Variants in CEP112 observed in about 807,000 individuals in gnomAD.
The protein encoded by CEP112 is centrosomal protein 112.
Under a neutral mutation model 153.0 loss-of-function variants are expected in CEP112, and 127 were observed. The ratio of observed to expected loss-of-function variants is 0.83; its 90% confidence interval spans 0.72 to 0.96. The LOEUF (loss-of-function observed/expected upper bound fraction) is 0.96, where lower values mean the gene tolerates loss of function less well. CEP112 is among the 40% of genes least tolerant of loss of function. The probability of loss-of-function intolerance (pLI) is 0.00; values close to 1 mark genes in which losing one functional copy is unlikely to be tolerated. For synonymous variants in CEP112, 358 were observed against 374.4 expected, an observed-to-expected ratio of 0.96 and a Z score of 0.51; for missense variants, 1,089 against 1,101.2, an observed-to-expected ratio of 0.99 and a Z score of 0.16.
At chr17:65,866,691 C>T (rs1230125968) in intron 20 of CEP112, among the ~76,000 whole-genome samples, 2 of 152,124 alleles carry the variant, frequency 1.3e-5, no homozygotes, top group African/African-American at 4.8e-5. Context: ...AGAGGAGCTA[C>T]CCACCTCAGG....
Position 65,639,775 on chromosome 17 carries a change from T to A in CEP112, c.2799+1189A>T, listed in dbSNP as rs192810830. On this transcript the variant is annotated intron_variant, in intron 25 of 26. Transcript: ENST00000535342. ...CAACAATACGTAAAACATTCAAACATGTTAGAAGTTTTTCTCACATCGTGA... is the reference window on the plus strand; with the variant it reads ...CAACAATACGTAAAACATTCAAACAAGTTAGAAGTTTTTCTCACATCGTGA... Among the ~76,000 whole-genome samples the A allele has an allele frequency of 2.5e-3, 382 of 151,626 alleles. 4 individuals are homozygous for A. Among genetic ancestry groups the A allele is most frequent in the African/African-American group, 8.6e-3 (356 of 41,372 alleles).
At chr17:65,644,188 T>A in intron 24 of CEP112, 1 of 760,390 alleles carries the variant, frequency 1.3e-6, no homozygotes, top group East Asian at 2.5e-5. Context: ...TCAGCTATGG[T>A]TGCGTTGGGG....
At chr17:66,074,840 T>C in intron 8 of CEP112, among the ~76,000 whole-genome samples, 1 of 124,550 alleles carries the variant, frequency 8.0e-6, no homozygotes, top group African/African-American at 3.2e-5. Flanking sequence ...TCAAGCCTGG[T>C]GACAGAGTGA....
chr17:65,797,129 T>C (rs941103530), intron 21 of CEP112: 1 of 152,142 alleles, frequency 6.6e-6, no homozygotes, highest in Admixed American at 6.6e-5. Context: ...TACCATGATA[T>C]TCATTTGGAT....
chr17:66,058,207 A>AG (rs1405476596), intron 11 of CEP112, among the ~76,000 whole-genome samples: 5 of 152,306 alleles, frequency 3.3e-5, no homozygotes, highest in African/African-American at 1.2e-4. Flanking sequence ...TACCCTTGTA[A>AG]GTGGCAGAAG....
At chr17:65,682,147 C>A (rs1173881014) in intron 24 of CEP112, among the ~76,000 whole-genome samples, 1 of 149,310 alleles carries the variant, frequency 6.7e-6, no homozygotes, top group Non-Finnish European at 1.5e-5. Context: ...GCACCTGCCA[C>A]CGCGCCCAGC....
At chr17:65,855,598 A>C (rs1024550995) in intron 20 of CEP112, among the ~76,000 whole-genome samples, 2 of 152,198 alleles carry the variant, frequency 1.3e-5, no homozygotes, top group Admixed American at 1.3e-4. Context: ...CAGGGACTAA[A>C]GGTGGGCTTC....
chr17:65,750,466 C>T (rs776066140), intron 22 of CEP112, among the ~76,000 whole-genome samples, 196 bp downstream of exon 22: 1 of 151,758 alleles, frequency 6.6e-6, no homozygotes. Context: ...GTTAAATATG[C>T]CTAATTTTTC....
In CEP112 at chr17:66,129,805, A is replaced by AT. The variant is rs1183689631; in HGVS notation, c.582dup (p.Ser195IlefsTer7). 4 of 1,610,674 alleles carry AT rather than the reference A, an allele frequency of 2.5e-6. No homozygotes were observed. The highest frequency in any genetic ancestry group is 2.2e-5 in the East Asian group (1 of 44,772). On this transcript the variant is annotated frameshift_variant, in exon 6 of 27. Transcript: ENST00000535342. LOFTEE classifies it high-confidence loss of function. ...TCACTATCATCCAAAGAAACAGGAG[A>AT]TTTTTTCGAATAAACTTCCTGAAAT...
intron 18 of CEP112, among the ~76,000 whole-genome samples, chr17:65,951,732 A>C (rs1309639354): frequency 1.8e-5 from 2 of 112,474 alleles, no homozygotes; most frequent in Non-Finnish European, 3.7e-5. Flanking sequence ...TTTCTGCTCT[A>C]ATCTTCCCCC....
chr17:66,071,185 G>T (rs2067296858), intron 8 of CEP112, among the ~76,000 whole-genome samples: 1 of 151,842 alleles, frequency 6.6e-6, no homozygotes, highest in Non-Finnish European at 1.5e-5. Context: ...ATATCAAACT[G>T]AGATTTTATG....
rs115188593 is a variant in CEP112, at chr17:65,882,642, C to T, written c.2163+19510G>A. 7.8e-3 allele frequency among the ~76,000 whole-genome samples: 1,190 copies of T among 152,296 alleles called. 19 individuals are homozygous for T. Among genetic ancestry groups the T allele is most frequent in the African/African-American group, 0.027 (1,114 of 41,554 alleles). The stretch of plus-strand genomic sequence containing the variant: ...TCTAGTAGGTTATTGGGATTCAAAA[C>T]AGACAACATATAGTCCCTCCTCTGG... On this transcript the variant is annotated intron_variant, in intron 20 of 26. Coordinates refer to ENST00000535342, the MANE Select transcript of CEP112 (RefSeq NM_001199165.4).
At chr17:65,881,195 C>T (rs779274507) in intron 20 of CEP112, among the ~76,000 whole-genome samples, 9 of 152,168 alleles carry the variant, frequency 5.9e-5, no homozygotes, top group Non-Finnish European at 7.4e-5. Context: ...CCAGCCTGGG[C>T]GACAGAGAGA....
intron 20 of CEP112, among the ~76,000 whole-genome samples, chr17:65,896,686 T>C (rs2059671325): frequency 6.6e-6 from 1 of 151,958 alleles, no homozygotes. Flanking sequence ...ATTTGGAAAA[T>C]TCTGTATGAC....
intron 16 of CEP112, among the ~76,000 whole-genome samples, chr17:66,012,957 T>C (rs898242391): frequency 1.3e-5 from 2 of 152,204 alleles, no homozygotes; most frequent in African/African-American, 4.8e-5. Context: ...GACTGAGTTA[T>C]TTCAGATAGC....
At chr17:65,850,900 C>T (rs2057907580) in intron 21 of CEP112, among the ~76,000 whole-genome samples, 1 of 152,146 alleles carries the variant, frequency 6.6e-6, no homozygotes, top group African/African-American at 2.4e-5. Flanking sequence ...GGGTTCATAG[C>T]TATGCTATCA....
intron 23 of CEP112, among the ~76,000 whole-genome samples, chr17:65,726,272 G>C (rs1404915483): frequency 6.6e-6 from 1 of 152,062 alleles, no homozygotes; most frequent in Non-Finnish European, 1.5e-5. Flanking sequence ...CCGGGAGGCA[G>C]AGGTTGCAGT....
intron 16 of CEP112, among the ~76,000 whole-genome samples, chr17:66,013,322 T>C (rs1368434732): frequency 6.6e-6 from 1 of 152,170 alleles, no homozygotes; most frequent in Non-Finnish European, 1.5e-5. Context: ...CTTGCTCTGG[T>C]TCTTTCTCAT....
At chr17:66,077,244 T>G (rs1212314758) in intron 8 of CEP112, among the ~76,000 whole-genome samples, 2 of 152,052 alleles carry the variant, frequency 1.3e-5, no homozygotes, top group Non-Finnish European at 2.9e-5. Flanking sequence ...GGTTACTTAT[T>G]AAGCCAATCA....
Sources: gnomAD v4.1 joint callset for allele counts (sites outside exome capture counted in the v4.1 genomes callset) on GRCh38, gnomAD v4.1.1 for gene constraint, MANE v1.5 for transcripts, NCBI Gene and HGNC (gene_info 2026-07-23, HGNC 2026-07-21) for gene names.